The following SLIT1 variants were observed in gnomAD, a reference collection of about 807,000 sequenced individuals.
The protein encoded by SLIT1 is slit guidance ligand 1.
SLIT1 carries 66 observed loss-of-function variants against 186.1 expected under a neutral mutation model. That is an observed-to-expected ratio of 0.35 (90% CI 0.29 to 0.44). The LOEUF (loss-of-function observed/expected upper bound fraction) is 0.44, where lower values mean the gene tolerates loss of function less well. Among genes scored for constraint, SLIT1 ranks in the 20% least tolerant of loss-of-function variants. The probability of loss-of-function intolerance (pLI) is 1.00; values close to 1 mark genes in which losing one functional copy is unlikely to be tolerated. For synonymous variants in SLIT1, 761 were observed against 833.8 expected (o/e 0.91, Z 1.50); for missense variants, 1,638 against 2,037.4 (o/e 0.80, Z 3.77).
intron 3 of SLIT1, among the ~76,000 whole-genome samples, chr10:97,160,075 C>T (rs899924623): frequency 2.0e-5 from 3 of 152,130 alleles, no homozygotes; most frequent in Non-Finnish European, 2.9e-5. Flanking sequence ...ATCCTGGCCA[C>T]GGTACAGTGC....
At chr10:97,067,157 G>A (rs756463287) in intron 4 of SLIT1, among the ~76,000 whole-genome samples, 3 of 152,150 alleles carry the variant, frequency 2.0e-5, no homozygotes, top group Non-Finnish European at 4.4e-5. Flanking sequence ...CAGGGAGTCA[G>A]GAGCACGCAA....
chr10:97,145,881 G>A (rs1484074328), intron 4 of SLIT1, among the ~76,000 whole-genome samples: 1 of 152,212 alleles, frequency 6.6e-6, no homozygotes, highest in East Asian at 1.9e-4. Flanking sequence ...GCATGGGATG[G>A]AGGAGGTGGG....
intron 13 of SLIT1, among the ~76,000 whole-genome samples, chr10:97,050,230 TCCATCTAAGTG>T (rs1289330351): frequency 9.9e-5 from 15 of 152,174 alleles, no homozygotes; most frequent in Admixed American, 1.3e-4. Flanking sequence ...CCACTTTTCC[TCCATCTAAGTG>T]CCATCAGTTC....
At chr10:97,081,382 G>A (rs1032864912) in intron 4 of SLIT1, among the ~76,000 whole-genome samples, 1 of 152,168 alleles carries the variant, frequency 6.6e-6, no homozygotes, top group African/African-American at 2.4e-5. Context: ...CATATCAGGA[G>A]CAGCCCACCA....
chr10:97,170,653 G>A (rs140265217), intron 1 of SLIT1, among the ~76,000 whole-genome samples: 1 of 152,224 alleles, frequency 6.6e-6, no homozygotes, highest in Non-Finnish European at 1.5e-5. Context: ...GAGGAAAAAT[G>A]CTCCAGTGGC....
intron 18 of SLIT1, 96 bp downstream of exon 18, chr10:97,046,558 C>T: frequency 7.8e-7 from 1 of 1,278,574 alleles, no homozygotes; most frequent in Non-Finnish European, 1.1e-6. Flanking sequence ...AAGCTGGGCC[C>T]AGGGGAGGGG....
At chr10:97,105,975 C>G (rs1003414535) in intron 4 of SLIT1, among the ~76,000 whole-genome samples, 7 of 152,214 alleles carry the variant, frequency 4.6e-5, no homozygotes, top group Non-Finnish European at 1.0e-4. Context: ...AAGAAGGTCC[C>G]GCAGATGGTA....
intron 1 of SLIT1, among the ~76,000 whole-genome samples, chr10:97,180,383 G>A (rs748004274): frequency 2.6e-5 from 4 of 152,214 alleles, no homozygotes; most frequent in Non-Finnish European, 5.9e-5. Context: ...GGAAATGGGG[G>A]TTCTGAGAAG....
intron 25 of SLIT1, among the ~76,000 whole-genome samples, chr10:97,026,446 A>G (rs1325268176): frequency 6.6e-6 from 1 of 150,836 alleles, no homozygotes; most frequent in Non-Finnish European, 1.5e-5. Context: ...CCTGGGCGAT[A>G]AGAGCGAAAC....
At chr10:97,029,132 A>G (rs1465498374) in intron 25 of SLIT1, among the ~76,000 whole-genome samples, 1 of 152,212 alleles carries the variant, frequency 6.6e-6, no homozygotes, top group African/African-American at 2.4e-5. Context: ...AGAGTATAGT[A>G]TTTGACTCAG....
At chr10:97,166,685 A>G (rs1298084694) in intron 1 of SLIT1, among the ~76,000 whole-genome samples, 3 of 152,012 alleles carry the variant, frequency 2.0e-5, no homozygotes, top group African/African-American at 7.3e-5. Flanking sequence ...AAAAGAAAAA[A>G]GAAAGAGCGA....
intron 26 of SLIT1, among the ~76,000 whole-genome samples, chr10:97,020,664 G>A (rs1388402589): frequency 2.0e-5 from 3 of 152,210 alleles, no homozygotes; most frequent in South Asian, 2.1e-4. Flanking sequence ...TCCTCCCCCC[G>A]CTGTACCCCT....
chr10:97,000,940 G>A lies in SLIT1; in HGVS notation c.*172C>T, dbSNP rs1848301113. 2 of 606,206 alleles carry A rather than the reference G, an allele frequency of 3.3e-6. No individual in the cohort carries two copies. Among genetic ancestry groups the A allele is most frequent in the South Asian group, 2.0e-5 (1 of 49,742 alleles). The allele number at this position is 606,206 out of a possible 1,614,324, so 37.6% of individuals were successfully genotyped here. The stretch of plus-strand genomic sequence containing the variant: ...CCCACCCCCGCTGCCCCCAGCTATG[G>A]CGCAATTTGCTTTTAAAAGGCTGCT... On this transcript the variant is annotated 3_prime_UTR_variant, in exon 37 of 37. Coordinates refer to ENST00000266058, the MANE Select transcript of SLIT1 (RefSeq NM_003061.3).
intron 1 of SLIT1, among the ~76,000 whole-genome samples, chr10:97,177,698 G>A (rs4919078): frequency 0.21 from 31,651 of 152,108 alleles, 3,506 homozygotes; most frequent in Non-Finnish European, 0.25. Flanking sequence ...AAATCAGGCC[G>A]GGCGCGGTGG....
chr10:97,065,966 A>G (rs1301497592), intron 5 of SLIT1, 49 bp downstream of exon 5: 2 of 1,346,966 alleles, frequency 1.5e-6, no homozygotes, highest in Non-Finnish European at 1.0e-6. Flanking sequence ...TGCTGCCAGG[A>G]GTGGCCCTGG....
intron 28 of SLIT1, among the ~76,000 whole-genome samples, chr10:97,017,186 G>A (rs79947324): frequency 6.6e-6 from 1 of 152,240 alleles, no homozygotes; most frequent in African/African-American, 2.4e-5. Context: ...GGGCGTCTCA[G>A]GAATGAGGAG....
At chr10:97,147,482 T>G (rs1205767115) in intron 4 of SLIT1, among the ~76,000 whole-genome samples, 1 of 152,108 alleles carries the variant, frequency 6.6e-6, no homozygotes, top group African/African-American at 2.4e-5. Flanking sequence ...AAGAGGGCAC[T>G]GGGGAGGCAA....
chr10:97,179,503 G>A (rs1589424470), intron 1 of SLIT1, among the ~76,000 whole-genome samples: 1 of 152,208 alleles, frequency 6.6e-6, no homozygotes. Context: ...AGATGAGGAA[G>A]TTGAGTCACT....
At chr10:97,016,231 C>T (rs1367283086) in intron 28 of SLIT1, among the ~76,000 whole-genome samples, 2 of 152,000 alleles carry the variant, frequency 1.3e-5, no homozygotes, top group Non-Finnish European at 2.9e-5. Flanking sequence ...ATTGCTTGAA[C>T]CCAGGAGGCA....
Sources: allele counts gnomAD v4.1 joint callset (sites outside exome capture counted in the v4.1 genomes callset), GRCh38; gene constraint gnomAD v4.1.1; transcripts MANE v1.5; gene names NCBI Gene and HGNC (gene_info 2026-07-23, HGNC 2026-07-21).